The following WDR27 variants were observed in gnomAD, a reference collection of about 807,000 sequenced individuals.
WDR27 encodes WD repeat domain 27, also known as WD repeat-containing protein 27.
Under a neutral mutation model 114.4 loss-of-function variants are expected in WDR27, and 100 were observed. The ratio of observed to expected loss-of-function variants is 0.87; its 90% CI spans 0.74 to 1.03. WDR27 has a LOEUF of 1.03. Ranked by LOEUF, WDR27 falls within the 50% of genes least tolerant of loss-of-function variation. The probability of loss-of-function intolerance (pLI) is 0.00; values close to 1 mark genes in which losing one functional copy is unlikely to be tolerated. For synonymous variants in WDR27, 449 were observed against 423.1 expected, an observed-to-expected ratio of 1.06 and a Z score of -0.75; for missense variants, 1,129 against 1,092.9, an observed-to-expected ratio of 1.03 and a Z score of -0.47.
chr6:169,467,182 T>C (rs1021806470), intron 25 of WDR27, among the ~76,000 whole-genome samples: 20 of 152,156 alleles, frequency 1.3e-4, no homozygotes, highest in African/African-American at 4.8e-4. Context: ...CTTTGCAGGG[T>C]ACAGCCTCCC....
intron 13 of WDR27, among the ~76,000 whole-genome samples, chr6:169,654,361 C>T (rs1345523975): frequency 6.6e-6 from 1 of 152,212 alleles, no homozygotes; most frequent in African/African-American, 2.4e-5. Context: ...CCTGAGAAAT[C>T]AATCACGCAA....
chr6:169,670,626 C>G lies in WDR27; in HGVS notation c.399G>C (p.Leu133=). 6.2e-7 allele frequency: 1 copy of G among 1,613,986 alleles called. No individual in the cohort carries two copies. Among genetic ancestry groups the G allele is most frequent in the Non-Finnish European group, 8.5e-7 (1 of 1,179,894 alleles). ...LGKVLCLQLS[L]DDHVVAVCAG... ...CACACACGGCAACAACATGATCATC[C>G]AGGCTCAACTGTAAACACAGCACCT... The change falls in exon 4 of 26, where the codon CTG becomes CTC. Residue 133 remains leucine (L), a synonymous_variant. Coordinates refer to ENST00000448612, the MANE Select transcript of WDR27 (RefSeq NM_182552.5).
At position 169,668,011 on chromosome 6, in the gene WDR27, T is replaced by G. The variant is rs41265387; in HGVS notation, c.631A>C (p.Ile211Leu). The G allele has an allele frequency of 6.7e-3, 10,787 of 1,613,874 alleles. 61 individuals are homozygous for G. Among genetic ancestry groups the G allele is most frequent in the South Asian group, 0.01 (945 of 91,056 alleles). Reference protein sequence around the residue: ...EFCPWRAGTLISASEDRGFKV... With the variant: ...EFCPWRAGTLLSASEDRGFKV... ...AAGCCTCTGTCCTCAGACGCCGAGA[T>G]GAGGGTGCCTGCTCGCCAGGGACAG... is the stretch of plus-strand genomic sequence containing the variant. Residue 211 changes from isoleucine (I) to leucine (L), a missense_variant, in exon 5 of 26, where the codon ATC (isoleucine) becomes CTC (leucine). Ile to Leu is a conservative substitution (Grantham distance 5). Transcript: ENST00000448612.
chr6:169,442,809 C>T, the WDR27 span, among the ~76,000 whole-genome samples: 26 of 152,258 alleles, frequency 1.7e-4, no homozygotes, highest in East Asian at 2.7e-3. Flanking sequence ...GGATGCAGGA[C>T]GACTGAGCCT....
chr6:169,663,921 G>A (rs1334113267), intron 8 of WDR27, among the ~76,000 whole-genome samples: 1 of 152,212 alleles, frequency 6.6e-6, no homozygotes, highest in Non-Finnish European at 1.5e-5. Flanking sequence ...CTGCCTTGGT[G>A]CCTCTGCTCT....
At chr6:169,597,975 T>G (rs184789863) in intron 23 of WDR27, among the ~76,000 whole-genome samples, 4 of 152,078 alleles carry the variant, frequency 2.6e-5, no homozygotes, top group Admixed American at 2.6e-4. Flanking sequence ...TTTTTTTGTT[T>G]AGAAATGGCA....
intron 25 of WDR27, among the ~76,000 whole-genome samples, chr6:169,527,251 C>CTATCCA (rs1466216046): frequency 9.9e-5 from 15 of 152,160 alleles, no homozygotes; most frequent in African/African-American, 2.9e-4. Flanking sequence ...CAAAATACTA[C>CTATCCA]AACAGATAAA....
chr6:169,667,666 G>A (rs1828233250), intron 5 of WDR27, among the ~76,000 whole-genome samples: 1 of 152,200 alleles, frequency 6.6e-6, no homozygotes, highest in African/African-American at 2.4e-5. Flanking sequence ...CCTGGGACTG[G>A]CTCTTCTGCT....
At chr6:169,561,629 A>C (rs1297384127) in intron 25 of WDR27, among the ~76,000 whole-genome samples, 1 of 152,076 alleles carries the variant, frequency 6.6e-6, no homozygotes, top group Non-Finnish European at 1.5e-5. Context: ...TAATGGGGCC[A>C]AAAGAAAGCA....
chr6:169,431,573 AT>A, the WDR27 span, among the ~76,000 whole-genome samples: 7 of 151,996 alleles, frequency 4.6e-5, no homozygotes, highest in African/African-American at 7.2e-5. Context: ...TTTATGAGGG[AT>A]TTTTTTCCCT....
intron 2 of WDR27, among the ~76,000 whole-genome samples, chr6:169,680,741 A>G (rs1163135564): frequency 6.6e-6 from 1 of 152,250 alleles, no homozygotes; most frequent in Non-Finnish European, 1.5e-5. Flanking sequence ...AATGAAAGAG[A>G]TACAATGCTA....
intron 2 of WDR27, among the ~76,000 whole-genome samples, chr6:169,673,826 G>A (rs1362842647): frequency 3.3e-5 from 5 of 151,982 alleles, no homozygotes; most frequent in South Asian, 2.1e-4. Context: ...ATTTTTTTCC[G>A]TAAAGAAATA....
At chr6:169,539,479 G>A (rs968352334) in intron 25 of WDR27, among the ~76,000 whole-genome samples, 1 of 151,958 alleles carries the variant, frequency 6.6e-6, no homozygotes, top group Non-Finnish European at 1.5e-5. Context: ...TTCTTGCTCC[G>A]TGTATCATGT....
chr6:169,642,813 C>G (rs1584832575), intron 17 of WDR27, among the ~76,000 whole-genome samples: 1 of 152,240 alleles, frequency 6.6e-6, no homozygotes, highest in Non-Finnish European at 1.5e-5. Flanking sequence ...GGCCCCACCT[C>G]CGCGTTTCCT....
chr6:169,666,638 C>T (rs1222265071), intron 6 of WDR27: 3 of 985,734 alleles, frequency 3.0e-6, no homozygotes, highest in South Asian at 4.7e-5. Context: ...GCTGTGTGGC[C>T]GTGTGCCAGC....
At chr6:169,685,774 G>A (rs1313917478) in intron 2 of WDR27, among the ~76,000 whole-genome samples, 1 of 152,208 alleles carries the variant, frequency 6.6e-6, no homozygotes, top group Non-Finnish European at 1.5e-5. Context: ...GGGAGAAGGT[G>A]AGGAAGACAT....
At chr6:169,621,364 A>G (rs545032975) in intron 21 of WDR27, among the ~76,000 whole-genome samples, 6 of 151,776 alleles carry the variant, frequency 4.0e-5, no homozygotes, top group Non-Finnish European at 8.8e-5. Context: ...ACATACGCAC[A>G]CATGCATGCA....
chr6:169,506,816 T>G (rs2115510150), intron 25 of WDR27, among the ~76,000 whole-genome samples: 1 of 152,362 alleles, frequency 6.6e-6, no homozygotes, highest in South Asian at 2.1e-4. Flanking sequence ...TATTTCCACA[T>G]GTGGCTTGGT....
chr6:169,651,617 C>T (rs1051577997), intron 14 of WDR27, among the ~76,000 whole-genome samples: 9 of 152,110 alleles, frequency 5.9e-5, no homozygotes, highest in Non-Finnish European at 1.0e-4. Context: ...TTTACAGCAT[C>T]GTCATGCTCT....
Sources: gnomAD v4.1 joint callset for allele counts (sites outside exome capture counted in the v4.1 genomes callset) on GRCh38, gnomAD v4.1.1 for gene constraint, MANE v1.5 for transcripts, NCBI Gene and HGNC (gene_info 2026-07-23, HGNC 2026-07-21) for gene names.